Variants in AGO2 observed in about 807,000 individuals in gnomAD.
The protein encoded by AGO2 is argonaute RISC catalytic component 2.
Under a neutral mutation model 102.3 loss-of-function variants are expected in AGO2, and 5 were observed. That is an observed-to-expected ratio of 0.05 (90% CI 0.03 to 0.10). AGO2 has a LOEUF of 0.10. Ranked by LOEUF, AGO2 falls within the 10% of genes least tolerant of loss-of-function variation. The probability of loss-of-function intolerance (pLI) is 1.00; values close to 1 mark genes in which losing one functional copy is unlikely to be tolerated. For synonymous variants in AGO2, 449 were observed against 473.1 expected, an observed-to-expected ratio of 0.95 and a Z score of 0.66; for missense variants, 541 against 1,183.7, an observed-to-expected ratio of 0.46 and a Z score of 7.97.
upstream of AGO2, among the ~76,000 whole-genome samples, chr8:140,638,682 C>T (rs2074424723): frequency 6.6e-6 from 1 of 152,302 alleles, no homozygotes; most frequent in South Asian, 2.1e-4. Context: ...TCAAGTGATC[C>T]TCCCACCTCA....
At chr8:140,585,457 C>T in intron 1 of AGO2, 146 bp from the exon 2 acceptor site, 3 of 844,832 alleles carry the variant, frequency 3.6e-6, no homozygotes, top group East Asian at 2.7e-5. Flanking sequence ...GAGGAGGCGT[C>T]TCAACGTCAA....
chr8:140,547,694 A>G, intron 12 of AGO2, 67 bp from the exon 13 acceptor site: 2 of 1,548,162 alleles, frequency 1.3e-6, no homozygotes, highest in South Asian at 1.2e-5. Flanking sequence ...CGAGAGCAGC[A>G]GCTGCCACCA....
chr8:140,544,220 A>G lies in AGO2; in HGVS notation c.1832T>C (p.Ile611Thr). ...GGAAGCGCTGACACTCACGGCGGCA[A>G]TGGAGGGCTTCTTCCCATCCCCGGC... ...PPAGDGKKPSIAAVVGSMDAH... is the reference protein window; with the variant it reads ...PPAGDGKKPSTAAVVGSMDAH... The change falls in exon 14 of 19, where the codon ATT (isoleucine) becomes ACT (threonine). Residue 611 changes from isoleucine to threonine, a missense_variant. Ile to Thr is a moderately conservative substitution (Grantham distance 89). Coordinates refer to ENST00000220592, the MANE Select transcript of AGO2 (RefSeq NM_012154.5). The G allele has an allele frequency of 1.3e-6, 2 of 1,588,198 alleles. No homozygotes were observed. The highest frequency in any genetic ancestry group is 1.7e-6 in the Non-Finnish European group (2 of 1,170,932).
chr8:140,552,725 T>TGC (rs762896333), intron 10 of AGO2, among the ~76,000 whole-genome samples: 1 of 121,744 alleles, frequency 8.2e-6, no homozygotes, highest in Non-Finnish European at 1.8e-5. Flanking sequence ...CACACGCACA[T>TGC]GCACGCGCGC....
intron 1 of AGO2, among the ~76,000 whole-genome samples, chr8:140,616,199 T>G (rs971195776): frequency 6.6e-6 from 1 of 152,190 alleles, no homozygotes; most frequent in African/African-American, 2.4e-5. Context: ...GTACCCTGCT[T>G]TATCCAGGCA....
the AGO2 span, among the ~76,000 whole-genome samples, chr8:140,641,766 T>TA: frequency 6.6e-6 from 1 of 152,134 alleles, no homozygotes; most frequent in Non-Finnish European, 1.5e-5. Flanking sequence ...GTATTTTTAG[T>TA]AGAGACGGGG....
intron 13 of AGO2, 33 bp downstream of exon 13, chr8:140,547,435 T>C (rs2072920363): frequency 3.7e-6 from 6 of 1,606,130 alleles, no homozygotes; most frequent in East Asian, 2.2e-5. Context: ...TGTGCCCTGG[T>C]CCGCAGGCGG....
intron 2 of AGO2, among the ~76,000 whole-genome samples, chr8:140,584,825 A>C (rs1182720696): frequency 6.6e-6 from 1 of 152,122 alleles, no homozygotes. Flanking sequence ...GCAACTTTCT[A>C]GGGTGATCAG....
At chr8:140,575,821 A>C (rs1156257072) in intron 2 of AGO2, among the ~76,000 whole-genome samples, 4 of 152,240 alleles carry the variant, frequency 2.6e-5, no homozygotes, top group African/African-American at 9.6e-5. Context: ...AAATTAATTA[A>C]CATGAAACAG....
chr8:140,563,723 C>T (rs1459477717), intron 3 of AGO2, among the ~76,000 whole-genome samples: 7 of 152,234 alleles, frequency 4.6e-5, no homozygotes, highest in Non-Finnish European at 1.0e-4. Flanking sequence ...GCTGCCTCTG[C>T]TCTGTGCACC....
chr8:140,641,279 C>G, the AGO2 span, among the ~76,000 whole-genome samples: 3 of 144,862 alleles, frequency 2.1e-5, no homozygotes, highest in East Asian at 6.2e-4. Flanking sequence ...GGTGATAGAG[C>G]AAGACGCTGT....
intron 1 of AGO2, among the ~76,000 whole-genome samples, chr8:140,596,629 T>C (rs906285636): frequency 8.5e-5 from 13 of 152,182 alleles, no homozygotes; most frequent in Admixed American, 2.6e-4. Flanking sequence ...TAAGCACAGA[T>C]AGTCATTATG....
chr8:140,533,281 T>A (rs2977463), intron 17 of AGO2, among the ~76,000 whole-genome samples: 1 of 150,500 alleles, frequency 6.6e-6, no homozygotes, highest in African/African-American at 2.4e-5. Context: ...CCCAGCTACT[T>A]GGGAGGCTGA....
At position 140,585,182 on chromosome 8, in the gene AGO2, T is replaced by C. The variant is rs1339485183; in HGVS notation, c.152A>G (p.Lys51Arg). Reference protein sequence around the residue: ...QANFFEMDIPKIDIYHYELDI... With the variant: ...QANFFEMDIPRIDIYHYELDI... Reference sequence around the variant, plus strand: ...CAATTCATAATGATAGATGTCAATTTTGGGGATGTCCATTTCGAAGAAATT... The same window carrying C: ...CAATTCATAATGATAGATGTCAATTCTGGGGATGTCCATTTCGAAGAAATT... Residue 51 changes from lysine (K) to arginine (R), a missense_variant, in exon 2 of 19, where the codon AAA becomes AGA. Coordinates refer to ENST00000220592, the MANE Select transcript of AGO2 (RefSeq NM_012154.5). The C allele has an allele frequency of 3.7e-6, 6 of 1,614,200 alleles. No individual in the cohort carries two copies. Among genetic ancestry groups the C allele is most frequent in the South Asian group, 3.3e-5 (3 of 91,082 alleles).
rs780995352 is a variant in AGO2, at chr8:140,556,300, G to A, written c.1027-14C>T. On this transcript the variant is annotated splice_polypyrimidine_tract_variant and intron_variant, in intron 8 of 18. Transcript: ENST00000220592. ...AATGTTACAGACCTGTGAAGAGGAC[G>A]TAGAGACAGGCCGTCAGTGCCGCAC... 41 of 1,613,524 alleles carry A rather than the reference G, an allele frequency of 2.5e-5. No individual in the cohort carries two copies. The East Asian group carries it at 4.0e-4, about 16-fold the overall frequency.
At chr8:140,620,587 G>A (rs1331588058) in intron 1 of AGO2, among the ~76,000 whole-genome samples, 9 of 152,114 alleles carry the variant, frequency 5.9e-5, no homozygotes, top group African/African-American at 1.7e-4. Context: ...CTTCTCGGCC[G>A]GGCACGGTGG....
chr8:140,577,957 A>G (rs772615428), intron 2 of AGO2, among the ~76,000 whole-genome samples: 7 of 152,194 alleles, frequency 4.6e-5, no homozygotes, highest in Non-Finnish European at 8.8e-5. Flanking sequence ...GGATCTCTCA[A>G]GAGAAGGAGG....
At chr8:140,549,060 C>T (rs112485179) in intron 12 of AGO2, 54 bp downstream of exon 12, 44,404 of 1,537,148 alleles carry the variant, frequency 0.029, 785 homozygotes, top group South Asian at 0.058. Context: ...CAGGAACAAA[C>T]ACCCACGGAG....
chr8:140,638,650 T>C (rs574337623), upstream of AGO2, among the ~76,000 whole-genome samples: 1 of 152,318 alleles, frequency 6.6e-6, no homozygotes, highest in Non-Finnish European at 1.5e-5. Flanking sequence ...ACACAGCTCA[T>C]TGCAGCCTTG....
Sources: allele counts gnomAD v4.1 joint callset (sites outside exome capture counted in the v4.1 genomes callset), GRCh38; gene constraint gnomAD v4.1.1; transcripts MANE v1.5; gene names NCBI Gene and HGNC (gene_info 2026-07-23, HGNC 2026-07-21).